SYNPR: variants seen among roughly 807,000 people sequenced by gnomAD.
SYNPR encodes the protein synaptoporin.
SYNPR carries 23 observed loss-of-function variants against 32.9 expected under a neutral mutation model. The observed-to-expected ratio is 0.70, with a 90% CI of 0.50 to 0.99. The LOEUF is 0.99. Among genes scored for constraint, SYNPR ranks in the 50% least tolerant of loss-of-function variants. SYNPR has a pLI of 0.00. For synonymous variants in SYNPR, 146 were observed against 135.9 expected (o/e 1.07, Z -0.52); for missense variants, 318 against 349.3 (o/e 0.91, Z 0.71).
At chr3:63,348,131 T>A (rs1177498103) in intron 2 of SYNPR, among the ~76,000 whole-genome samples, 2 of 152,228 alleles carry the variant, frequency 1.3e-5, no homozygotes, top group African/African-American at 4.8e-5. Context: ...GAGGTTGTAC[T>A]AATTTACATT....
At chr3:63,216,888 G>A in the SYNPR span, among the ~76,000 whole-genome samples, 2 of 46,954 alleles carry the variant, frequency 4.3e-5, 1 homozygote, top group African/African-American at 1.4e-4. Context: ...TGGGTTTTCG[G>A]TGTAGATGTC....
intron 2 of SYNPR, among the ~76,000 whole-genome samples, chr3:63,440,596 A>C (rs1194149175): frequency 6.6e-6 from 1 of 152,174 alleles, no homozygotes; most frequent in Non-Finnish European, 1.5e-5. Context: ...ATCTGGAAAA[A>C]AATACGAGGC....
At chr3:63,359,435 G>A (rs1292813754) in intron 2 of SYNPR, among the ~76,000 whole-genome samples, 6 of 152,202 alleles carry the variant, frequency 3.9e-5, no homozygotes, top group Admixed American at 1.3e-4. Context: ...CAAAGGCTCA[G>A]TGTAAAATCA....
chr3:63,520,669 T>G (rs1701894114), intron 3 of SYNPR, among the ~76,000 whole-genome samples: 1 of 86,096 alleles, frequency 1.2e-5, no homozygotes, highest in African/African-American at 3.9e-5. Context: ...CAAGACTCCA[T>G]CTCAAAAAAA....
At chr3:63,530,537 C>A (rs942230804) in intron 3 of SYNPR, among the ~76,000 whole-genome samples, 1 of 152,318 alleles carries the variant, frequency 6.6e-6, no homozygotes. Flanking sequence ...TAAAAACACT[C>A]AGCAAAGTAG....
In SYNPR at chr3:63,599,251, T is replaced by A. The variant is rs138370261; in HGVS notation, c.409-9874T>A. On this transcript the variant is annotated intron_variant, in intron 4 of 5. Transcript: ENST00000478300. ...CACTCTATTTTAAAAATTAATTTAGTGTAGTCTAATCATACAGAATTTATA... is the reference window on the plus strand; with the variant it reads ...CACTCTATTTTAAAAATTAATTTAGAGTAGTCTAATCATACAGAATTTATA... Among the ~76,000 whole-genome samples, 530 of 152,306 alleles carry A rather than the reference T, an allele frequency of 3.5e-3. 3 individuals carry two copies. Among genetic ancestry groups the A allele is most frequent in the African/African-American group, 0.012 (513 of 41,562 alleles).
intron 2 of SYNPR, among the ~76,000 whole-genome samples, chr3:63,400,615 T>C (rs1416325215): frequency 6.6e-6 from 1 of 152,166 alleles, no homozygotes; most frequent in Non-Finnish European, 1.5e-5. Context: ...CGAGATAACC[T>C]GGGAAGTCAT....
chr3:63,446,731 G>T (rs1300636425), intron 2 of SYNPR, among the ~76,000 whole-genome samples: 1 of 151,954 alleles, frequency 6.6e-6, no homozygotes, highest in Non-Finnish European at 1.5e-5. Flanking sequence ...AAACTCAGAG[G>T]GATCTTAAAA....
chr3:63,257,592 C>T (rs1398846155), intron 2 of SYNPR, among the ~76,000 whole-genome samples: 2 of 151,934 alleles, frequency 1.3e-5, no homozygotes, highest in African/African-American at 2.4e-5. Context: ...AAGGAACAAC[C>T]AGTAACAGCC....
intron 2 of SYNPR, among the ~76,000 whole-genome samples, chr3:63,256,364 G>T (rs2086383499): frequency 6.6e-6 from 1 of 152,168 alleles, no homozygotes; most frequent in South Asian, 2.1e-4. Context: ...ACTCCTCTGA[G>T]ACAAAACTTC....
intron 1 of SYNPR, among the ~76,000 whole-genome samples, chr3:63,244,541 C>T (rs775263682): frequency 2.6e-5 from 4 of 152,066 alleles, no homozygotes; most frequent in Non-Finnish European, 4.4e-5. Context: ...TTCTTTAACT[C>T]ATCCAACTGC....
intron 3 of SYNPR, among the ~76,000 whole-genome samples, chr3:63,273,032 G>T (rs1346250943): frequency 6.6e-6 from 1 of 152,100 alleles, no homozygotes; most frequent in Non-Finnish European, 1.5e-5. Flanking sequence ...AATGATGAAA[G>T]ATAAAAATTA....
At chr3:63,540,338 T>G (rs147833181) in intron 3 of SYNPR, among the ~76,000 whole-genome samples, 1 of 152,030 alleles carries the variant, frequency 6.6e-6, no homozygotes, top group Non-Finnish European at 1.5e-5. Flanking sequence ...AGCAAGGAAG[T>G]GGTGGAGATT....
At position 63,510,697 on chromosome 3, in the gene SYNPR, G is replaced by A. The variant is rs1013833022; in HGVS notation, c.209+29741G>A. 2.6e-5 allele frequency among the ~76,000 whole-genome samples: 4 copies of A among 152,238 alleles called. No individual in the cohort carries two copies. In the South Asian group the frequency reaches 6.2e-4, roughly 24 times the overall value. Reference sequence around the variant, plus strand: ...TGATTACCTCTCTCTCAAGGCGTGTGAATTTTGTTTACTCTCCTTGTAATA... The same window carrying A: ...TGATTACCTCTCTCTCAAGGCGTGTAAATTTTGTTTACTCTCCTTGTAATA... On this transcript the variant is annotated intron_variant, in intron 3 of 5. Transcript: ENST00000478300.
intron 3 of SYNPR, among the ~76,000 whole-genome samples, chr3:63,493,955 G>T (rs1037454970): frequency 3.7e-4 from 56 of 152,068 alleles, no homozygotes; most frequent in African/African-American, 1.2e-3. Flanking sequence ...TTGGAGAACT[G>T]CTGACCTAAA....
intron 2 of SYNPR, among the ~76,000 whole-genome samples, chr3:63,379,756 T>G (rs536187357): frequency 1.3e-5 from 2 of 152,302 alleles, no homozygotes; most frequent in Non-Finnish European, 2.9e-5. Context: ...GTTACATATG[T>G]ATACATGTGC....
At position 63,615,343 on chromosome 3, in the gene SYNPR, C is replaced by T. The variant is rs1312670668; in HGVS notation, c.720C>T (p.Ser240=). 1 of 1,613,866 alleles carries T rather than the reference C, an allele frequency of 6.2e-7. No individual in the cohort carries two copies. Among genetic ancestry groups the T allele is most frequent in the South Asian group, 1.1e-5 (1 of 91,052 alleles). The change falls in exon 6 of 6, where the codon AGC becomes AGT. Residue 240 remains serine, a synonymous_variant. Coordinates refer to ENST00000478300, the MANE Select transcript of SYNPR (RefSeq NM_001130003.2). The part of the protein sequence containing the change: ...YLSDPMEKHS[S]SYNQGGYNQD... The stretch of plus-strand genomic sequence containing the variant: ...CAGATCCAATGGAGAAGCACTCCAG[C>T]AGCTATAATCAAGGTGGTTACAACC...
chr3:63,430,361 TACACACACACAC>T (rs3083163), intron 2 of SYNPR, among the ~76,000 whole-genome samples: 1,833 of 148,384 alleles, frequency 0.012, 30 homozygotes, highest in African/African-American at 0.039. Flanking sequence ...ACACTGAGAA[TACACACACACAC>T]ACACACACAC....
the SYNPR span, among the ~76,000 whole-genome samples, chr3:63,202,722 A>G: frequency 3.3e-5 from 5 of 152,160 alleles, no homozygotes. Context: ...ACATTTGAGC[A>G]TTGGAGCTAT....
Sources: allele counts gnomAD v4.1 joint callset (sites outside exome capture counted in the v4.1 genomes callset), GRCh38; gene constraint gnomAD v4.1.1; transcripts MANE v1.5; gene names NCBI Gene and HGNC (gene_info 2026-07-23, HGNC 2026-07-21).